The following STK33 variants were observed in gnomAD, a reference collection of about 807,000 sequenced individuals.
The protein encoded by STK33 is serine/threonine kinase 33.
Under a neutral mutation model 58.0 loss-of-function variants are expected in STK33, and 52 were observed. That is an observed-to-expected ratio of 0.90 (90% CI 0.72 to 1.13). STK33 has a LOEUF of 1.13. STK33 is among the 50% of genes most tolerant of loss of function. The pLI, the probability that STK33 is intolerant of heterozygous loss-of-function variation, is 0.00. For synonymous variants in STK33, 215 were observed against 200.1 expected, an observed-to-expected ratio of 1.07 and a Z score of -0.63; for missense variants, 630 against 604.2, an observed-to-expected ratio of 1.04 and a Z score of -0.45.
intron 1 of STK33, among the ~76,000 whole-genome samples, chr11:8,514,545 C>T (rs1286117120): frequency 6.6e-6 from 1 of 152,148 alleles, no homozygotes; most frequent in Non-Finnish European, 1.5e-5. Context: ...GAAATACAGT[C>T]TAAAGTCCAC....
At chr11:8,573,614 A>G (rs1056547636) in intron 1 of STK33, among the ~76,000 whole-genome samples, 1 of 152,256 alleles carries the variant, frequency 6.6e-6, no homozygotes, top group Non-Finnish European at 1.5e-5. Context: ...TTATGTTCAC[A>G]CAGAAACTTG....
chr11:8,583,355 C>G (rs1417396820), intron 1 of STK33, among the ~76,000 whole-genome samples: 1 of 152,096 alleles, frequency 6.6e-6, no homozygotes, highest in Non-Finnish European at 1.5e-5. Flanking sequence ...AAAATGGCAT[C>G]TAGTACTAAA....
chr11:8,397,197 C>A (rs530442797), intron 15 of STK33, among the ~76,000 whole-genome samples: 15 of 152,366 alleles, frequency 9.8e-5, no homozygotes, highest in African/African-American at 3.1e-4. Context: ...AGTAGCCTAA[C>A]TGGGAGGCAC....
At chr11:8,515,968 T>C (rs1952745624) in intron 1 of STK33, among the ~76,000 whole-genome samples, 1 of 152,190 alleles carries the variant, frequency 6.6e-6, no homozygotes. Context: ...ATAATTAATA[T>C]TGTCAAAATG....
At chr11:8,579,470 T>C (rs990817646) in intron 1 of STK33, among the ~76,000 whole-genome samples, 4 of 152,154 alleles carry the variant, frequency 2.6e-5, no homozygotes, top group South Asian at 2.1e-4. Flanking sequence ...TCAACAATGA[T>C]GAGGGAATCA....
chr11:8,493,170 G>T (rs994741422), intron 1 of STK33, among the ~76,000 whole-genome samples: 1 of 151,926 alleles, frequency 6.6e-6, no homozygotes, highest in Non-Finnish European at 1.5e-5. Context: ...CTGGTTTTTT[G>T]AAAAGATCAA....
At chr11:8,397,129 C>A (rs377396786) in intron 15 of STK33, among the ~76,000 whole-genome samples, 1 of 152,170 alleles carries the variant, frequency 6.6e-6, no homozygotes, top group Non-Finnish European at 1.5e-5. Context: ...TCTCCCAGCA[C>A]GCAGCTGGAC....
chr11:8,549,120 G>A (rs1490059317), intron 1 of STK33, among the ~76,000 whole-genome samples: 1 of 152,062 alleles, frequency 6.6e-6, no homozygotes, highest in Non-Finnish European at 1.5e-5. Context: ...GTCATATATG[G>A]TCTTTATTGA....
chr11:8,370,198 G>A, the STK33 span, among the ~76,000 whole-genome samples: 7,429 of 150,144 alleles, frequency 0.049, 246 homozygotes, highest in Non-Finnish European at 0.07. Flanking sequence ...CTCAAAAGAT[G>A]AGGCTTTTTT....
intron 1 of STK33, among the ~76,000 whole-genome samples, chr11:8,507,867 TTTTAC>T (rs1430285680): frequency 6.6e-6 from 1 of 152,144 alleles, no homozygotes; most frequent in Non-Finnish European, 1.5e-5. Context: ...AATACCTTGT[TTTTAC>T]TTTGTTTTGT....
chr11:8,520,700 A>G (rs1953335625), intron 1 of STK33, among the ~76,000 whole-genome samples: 2 of 151,246 alleles, frequency 1.3e-5, no homozygotes, highest in South Asian at 4.2e-4. Context: ...TATACCAATA[A>G]CAGACAAACA....
chr11:8,474,803 G>A lies in STK33; in HGVS notation c.103C>T (p.Pro35Ser). The A allele has an allele frequency of 6.2e-7, 1 of 1,613,252 alleles. No individual in the cohort carries two copies. The highest frequency in any genetic ancestry group is 1.1e-5 in the South Asian group (1 of 90,816). ...LCVCSSKTRV[P>S]PVLVVEMSQT... ...GACATTTCCACCACCAAAACTGGAG[G>A]AACCCTTGTTTTGCTGGAACATACA... Residue 35 changes from proline (P) to serine (S), a missense_variant, in exon 5 of 16, where the codon CCT (proline) becomes TCT (serine). Transcript: ENST00000687296.
At chr11:8,530,961 G>A (rs1438661846) in intron 1 of STK33, among the ~76,000 whole-genome samples, 1 of 152,104 alleles carries the variant, frequency 6.6e-6, no homozygotes, top group Non-Finnish European at 1.5e-5. Context: ...AAAGTGTTAG[G>A]ATTACAGGCG....
chr11:8,347,161 T>A, the STK33 span, among the ~76,000 whole-genome samples: 4 of 152,200 alleles, frequency 2.6e-5, no homozygotes, highest in South Asian at 8.3e-4. Flanking sequence ...TTTCGATATA[T>A]CTTCATTCAA....
rs561816173 is a variant in STK33, at chr11:8,418,002, T to C, written c.1147-4310A>G. ...AACATCTGTTGTACTACTGATGTAA[T>C]AGAAAAGATCTGAAACAATTTAAAT... On this transcript the variant is annotated intron_variant, in intron 14 of 15. Transcript: ENST00000687296. Among the ~76,000 whole-genome samples, 7 of 152,302 alleles carry C rather than the reference T, an allele frequency of 4.6e-5. No homozygotes were observed. The South Asian group carries it at 6.2e-4, about 14-fold the overall frequency.
At chr11:8,492,360 A>T (rs1950691700) in intron 1 of STK33, among the ~76,000 whole-genome samples, 1 of 152,234 alleles carries the variant, frequency 6.6e-6, no homozygotes, top group African/African-American at 2.4e-5. Context: ...AGGCCACTAC[A>T]TAATGGTAAA....
intron 15 of STK33, among the ~76,000 whole-genome samples, chr11:8,403,578 C>T (rs887439329): frequency 9.2e-5 from 14 of 152,192 alleles, no homozygotes; most frequent in African/African-American, 3.4e-4. Context: ...AATTGTTCTT[C>T]ATCTCTGGCA....
intron 11 of STK33, among the ~76,000 whole-genome samples, chr11:8,447,306 T>C (rs1384986690): frequency 2.0e-5 from 3 of 152,206 alleles, no homozygotes; most frequent in African/African-American, 2.4e-5. Flanking sequence ...ATCATCCTGA[T>C]ACCAAAGCCT....
At chr11:8,464,626 G>T in intron 7 of STK33, 83 bp downstream of exon 7, 1 of 911,214 alleles carries the variant, frequency 1.1e-6, no homozygotes, top group Non-Finnish European at 1.7e-6. Flanking sequence ...GAGGCAGCTT[G>T]TGTTAGTGTA....
Sources: gnomAD v4.1 joint callset for allele counts (sites outside exome capture counted in the v4.1 genomes callset) on GRCh38, gnomAD v4.1.1 for gene constraint, MANE v1.5 for transcripts, NCBI Gene and HGNC (gene_info 2026-07-23, HGNC 2026-07-21) for gene names.